NELL2: variants seen among roughly 807,000 people sequenced by gnomAD.
NELL2 encodes the protein neural EGFL like 2.
NELL2 carries 41 observed loss-of-function variants against 109.6 expected under a neutral mutation model. That is an observed-to-expected ratio of 0.37 (90% CI 0.29 to 0.49). The LOEUF (loss-of-function observed/expected upper bound fraction) is 0.49, where lower values mean the gene tolerates loss of function less well. NELL2 is among the 20% of genes least tolerant of loss of function. The probability of loss-of-function intolerance (pLI) is 0.98; values close to 1 mark genes in which losing one functional copy is unlikely to be tolerated. For synonymous variants in NELL2, 355 were observed against 344.7 expected (o/e 1.03, Z -0.33); for missense variants, 900 against 1,008.3 (o/e 0.89, Z 1.45).
chr12:44,702,395 T>C (rs905263621), intron 12 of NELL2, among the ~76,000 whole-genome samples: 15 of 152,082 alleles, frequency 9.9e-5, no homozygotes, highest in African/African-American at 3.4e-4. Flanking sequence ...ATTTATTACA[T>C]GATCGAATAT....
intron 15 of NELL2, among the ~76,000 whole-genome samples, chr12:44,582,567 A>C (rs149346389): frequency 1.1e-3 from 174 of 152,266 alleles, no homozygotes; most frequent in African/African-American, 3.8e-3. Flanking sequence ...ACTATGGCAT[A>C]TGAGATGAAA....
chr12:44,848,883 T>C (rs1944451885), intron 2 of NELL2, among the ~76,000 whole-genome samples: 1 of 152,118 alleles, frequency 6.6e-6, no homozygotes. Flanking sequence ...AAATGTAAAT[T>C]TGAATTTGAA....
chr12:44,554,790 C>A (rs1411982424), intron 15 of NELL2, among the ~76,000 whole-genome samples: 1 of 152,030 alleles, frequency 6.6e-6, no homozygotes, highest in Non-Finnish European at 1.5e-5. Context: ...CCCAAAGGAG[C>A]CAGAATTAGC....
chr12:44,816,591 C>T (rs928436559), intron 2 of NELL2, among the ~76,000 whole-genome samples: 2 of 152,164 alleles, frequency 1.3e-5, no homozygotes, highest in Admixed American at 1.3e-4. Flanking sequence ...ATCTATGTGC[C>T]ACCCTCCACA....
At chr12:44,745,337 C>G (rs879380181) in intron 9 of NELL2, among the ~76,000 whole-genome samples, 2 of 152,108 alleles carry the variant, frequency 1.3e-5, no homozygotes, top group Non-Finnish European at 2.9e-5. Flanking sequence ...AACCCACAGC[C>G]AATATCATAC....
intron 15 of NELL2, among the ~76,000 whole-genome samples, chr12:44,552,075 A>G (rs1171670827): frequency 2.6e-5 from 4 of 152,192 alleles, no homozygotes; most frequent in Admixed American, 2.6e-4. Flanking sequence ...GCTACTAGGC[A>G]TATTACTGCT....
intron 3 of NELL2, among the ~76,000 whole-genome samples, chr12:44,797,768 G>T (rs999886801): frequency 1.1e-4 from 17 of 149,404 alleles, no homozygotes; most frequent in Non-Finnish European, 1.8e-4. Flanking sequence ...ATGACTTCAG[G>T]ATGAAAGGAT....
chr12:44,534,067 T>C (rs1471406337), intron 15 of NELL2, among the ~76,000 whole-genome samples: 2 of 152,122 alleles, frequency 1.3e-5, no homozygotes, highest in East Asian at 3.9e-4. Context: ...ACTACTTCAG[T>C]TGACAGAATC....
intron 12 of NELL2, among the ~76,000 whole-genome samples, chr12:44,696,425 AG>A (rs1378197309): frequency 6.6e-6 from 1 of 152,180 alleles, no homozygotes; most frequent in Non-Finnish European, 1.5e-5. Context: ...TTCAAATCTT[AG>A]GGGAAAAAAT....
intron 3 of NELL2, among the ~76,000 whole-genome samples, chr12:44,782,628 C>CA (rs1942007521): frequency 6.6e-6 from 1 of 151,086 alleles, no homozygotes; most frequent in Admixed American, 6.6e-5. Context: ...ATTTCAGAGC[C>CA]AAAAAATACC....
rs80288426 is a variant in NELL2 at position 44,771,346 on chromosome 12, T to TA, written c.994+3400dup. Among the ~76,000 whole-genome samples, 1,261 of 143,962 alleles carry TA rather than the reference T, an allele frequency of 8.8e-3. 22 individuals carry two copies. Among genetic ancestry groups the TA allele is most frequent in the African/African-American group, 0.029 (1,138 of 39,418 alleles). 94.4% of individuals were successfully genotyped at this position (143,962 alleles called of 152,430 possible). On this transcript the variant is annotated intron_variant, in intron 9 of 19. Coordinates refer to ENST00000429094, the MANE Select transcript of NELL2 (RefSeq NM_001145108.2). ...GATTAATTATAACAGATGGTTTTTT[T>TA]AAAAAAAAAAAAGGAAAGCAGGCTG...
At chr12:44,709,149 C>T (rs1442582813) in intron 11 of NELL2, among the ~76,000 whole-genome samples, 1 of 152,056 alleles carries the variant, frequency 6.6e-6, no homozygotes, top group Non-Finnish European at 1.5e-5. Context: ...TTAAAGATAG[C>T]CATTAAAAGT....
chr12:44,841,742 G>C (rs761255682), intron 2 of NELL2, among the ~76,000 whole-genome samples: 3 of 152,134 alleles, frequency 2.0e-5, no homozygotes, highest in Non-Finnish European at 2.9e-5. Flanking sequence ...AAGCTGAACA[G>C]AGATTCCAGG....
intron 1 of NELL2, among the ~76,000 whole-genome samples, chr12:44,888,714 C>G (rs967460748): frequency 6.6e-6 from 1 of 151,564 alleles, no homozygotes; most frequent in African/African-American, 2.4e-5. Flanking sequence ...ATTCACGTGT[C>G]GACAATAGGA....
intron 12 of NELL2, among the ~76,000 whole-genome samples, chr12:44,673,807 T>C (rs1295012617): frequency 6.6e-6 from 1 of 152,224 alleles, no homozygotes. Flanking sequence ...TAGAGGTTCA[T>C]GGTTCCTTGA....
At chr12:44,565,690 A>G (rs1235327566) in intron 15 of NELL2, among the ~76,000 whole-genome samples, 2 of 152,162 alleles carry the variant, frequency 1.3e-5, no homozygotes, top group African/African-American at 4.8e-5. Context: ...TATTGGAATA[A>G]CCTAATTTTA....
chr12:44,743,240 C>A (rs1045397336), intron 9 of NELL2, among the ~76,000 whole-genome samples: 1 of 152,166 alleles, frequency 6.6e-6, no homozygotes, highest in Non-Finnish European at 1.5e-5. Context: ...ACTTCAAAGA[C>A]AAGCAAATGC....
Position 44,791,134 on chromosome 12 carries a change from T to TATAC in NELL2, c.336-11113_336-11112insGTAT, listed in dbSNP as rs1177395254. 2.4e-3 allele frequency among the ~76,000 whole-genome samples: 192 copies of TATAC among 81,422 alleles called. 8 individuals are homozygous for TATAC. Among genetic ancestry groups the TATAC allele is most frequent in the Non-Finnish European group, 3.5e-3 (146 of 42,294 alleles). 53.4% of individuals were successfully genotyped at this position (81,422 alleles called of 152,430 possible). A position where few individuals can be genotyped will look rare whatever the true frequency, so the allele number is the denominator to read the frequency against. On this transcript the variant is annotated intron_variant, in intron 3 of 19. Transcript: ENST00000429094. ...GTATATATATATGTATATATATATA[T>TATAC]ACACACGCACACACATACACACACA... is the stretch of plus-strand genomic sequence containing the variant.
chr12:44,904,507 G>T (rs1001341272), intron 1 of NELL2, among the ~76,000 whole-genome samples: 4 of 152,088 alleles, frequency 2.6e-5, no homozygotes, highest in Non-Finnish European at 5.9e-5. Flanking sequence ...AGCCCTTGAA[G>T]ATCAAAAAAC....
Sources: allele counts gnomAD v4.1 joint callset (sites outside exome capture counted in the v4.1 genomes callset), GRCh38; gene constraint gnomAD v4.1.1; transcripts MANE v1.5; gene names NCBI Gene and HGNC (gene_info 2026-07-23, HGNC 2026-07-21).